OPCML: variants seen among roughly 807,000 people sequenced by gnomAD.
The protein encoded by OPCML is opioid-binding protein/cell adhesion molecule.
A neutral mutation model predicts 37.8 loss-of-function variants in OPCML; 13 were observed. The ratio of observed to expected loss-of-function variants is 0.34; its 90% CI spans 0.22 to 0.55. OPCML has a LOEUF of 0.55. Ranked by LOEUF, OPCML falls within the 20% of genes least tolerant of loss-of-function variation. OPCML has a pLI of 0.91. For synonymous variants in OPCML, 176 were observed against 168.8 expected (o/e 1.04, Z -0.33); for missense variants, 341 against 435.6 (o/e 0.78, Z 1.93).
At chr11:132,983,947 T>C (rs761279471) in intron 1 of OPCML, among the ~76,000 whole-genome samples, 3 of 152,222 alleles carry the variant, frequency 2.0e-5, no homozygotes, top group Non-Finnish European at 4.4e-5. Context: ...TTTGTCAGGT[T>C]CTAATCCATT....
At chr11:133,118,146 TA>T in intron 1 of OPCML, 1 of 826,032 alleles carries the variant, frequency 1.2e-6, no homozygotes, top group Non-Finnish European at 1.5e-6. Context: ...CTGCAGGAAC[TA>T]CTTTTGAATA....
intron 1 of OPCML, among the ~76,000 whole-genome samples, chr11:133,528,334 G>GT (rs1948530156): frequency 6.6e-6 from 1 of 152,348 alleles, no homozygotes; most frequent in East Asian, 1.9e-4. Context: ...ACATGATGGC[G>GT]TGAATCCATG....
intron 1 of OPCML, among the ~76,000 whole-genome samples, chr11:133,219,679 T>C (rs1362373143): frequency 1.3e-5 from 2 of 152,150 alleles, no homozygotes; most frequent in African/African-American, 4.8e-5. Flanking sequence ...GGACTTCACT[T>C]TGGGGACCCT....
intron 1 of OPCML, among the ~76,000 whole-genome samples, chr11:133,011,679 C>T (rs1364547261): frequency 2.6e-5 from 4 of 151,670 alleles, no homozygotes; most frequent in African/African-American, 9.7e-5. Flanking sequence ...CTTTACAGTC[C>T]CTTCAACATC....
intron 1 of OPCML, among the ~76,000 whole-genome samples, chr11:132,981,937 CG>C (rs1170151173): frequency 3.9e-5 from 6 of 152,160 alleles, no homozygotes; most frequent in Non-Finnish European, 7.3e-5. Flanking sequence ...ACAGGTTTAA[CG>C]TATTTGTGTC....
intron 1 of OPCML, among the ~76,000 whole-genome samples, chr11:133,222,953 G>T (rs1939899605): frequency 6.6e-6 from 1 of 152,128 alleles, no homozygotes; most frequent in Non-Finnish European, 1.5e-5. Flanking sequence ...CCAGCCTTGT[G>T]TACTTGGGAC....
chr11:132,465,480 C>T (rs1223708299), intron 4 of OPCML, among the ~76,000 whole-genome samples: 1 of 151,996 alleles, frequency 6.6e-6, no homozygotes, highest in African/African-American at 2.4e-5. Context: ...TTATTATCCA[C>T]TTGTATTTTT....
intron 1 of OPCML, among the ~76,000 whole-genome samples, chr11:133,317,442 A>G (rs1161733821): frequency 6.6e-6 from 1 of 152,208 alleles, no homozygotes; most frequent in Non-Finnish European, 1.5e-5. Flanking sequence ...CTTATTTTGA[A>G]ACACTGGTTT....
At chr11:133,053,316 C>T (rs544171872) in intron 1 of OPCML, among the ~76,000 whole-genome samples, 8 of 152,326 alleles carry the variant, frequency 5.3e-5, no homozygotes, top group East Asian at 1.9e-4. Flanking sequence ...ATGATGATCA[C>T]GGTCATTATC....
Position 132,516,459 on chromosome 11 carries a change from ATG to A in OPCML, c.505+12600_505+12601del, listed in dbSNP as rs913215245. 9.2e-5 allele frequency among the ~76,000 whole-genome samples: 14 copies of A among 152,198 alleles called. No individual in the cohort carries two copies. The East Asian group carries it at 1.2e-3, about 13-fold the overall frequency. ...TACAGGATCGATATACGATGGATACATGTGTGTGTACCCATTCAATAGTCACT... is the reference window on the plus strand; with the variant it reads ...TACAGGATCGATATACGATGGATACATGTGTGTACCCATTCAATAGTCACT... On this transcript the variant is annotated intron_variant, in intron 4 of 7. Coordinates refer to ENST00000524381, the MANE Select transcript of OPCML (RefSeq NM_001012393.5).
chr11:132,524,195 C>T (rs1018542456), intron 4 of OPCML, among the ~76,000 whole-genome samples: 1 of 152,208 alleles, frequency 6.6e-6, no homozygotes, highest in Non-Finnish European at 1.5e-5. Flanking sequence ...GAAGAGCCTG[C>T]CAGTTTATGC....
chr11:133,454,110 CAGA>C (rs1946629997), intron 1 of OPCML, among the ~76,000 whole-genome samples: 1 of 152,146 alleles, frequency 6.6e-6, no homozygotes, highest in Non-Finnish European at 1.5e-5. Context: ...GAATTCATAT[CAGA>C]AGGACCAAAT....
intron 2 of OPCML, among the ~76,000 whole-genome samples, chr11:132,806,364 T>C (rs920542823): frequency 3.3e-5 from 5 of 152,114 alleles, no homozygotes; most frequent in Non-Finnish European, 7.4e-5. Context: ...GCTGTCTACA[T>C]AAGACACACT....
chr11:133,421,112 C>CAAA, intron 1 of OPCML: 1 of 985,288 alleles, frequency 1.0e-6, no homozygotes, highest in Non-Finnish European at 1.2e-6. Context: ...GCAGTGTTAC[C>CAAA]AAATGTTCTC....
At chr11:132,767,812 A>G (rs901259813) in intron 2 of OPCML, among the ~76,000 whole-genome samples, 8 of 124,114 alleles carry the variant, frequency 6.4e-5, no homozygotes, top group South Asian at 2.3e-4. Flanking sequence ...AATAGCTTGG[A>G]AAAAAAAAAC....
At chr11:133,435,483 T>C (rs1004282725) in intron 1 of OPCML, among the ~76,000 whole-genome samples, 9 of 152,212 alleles carry the variant, frequency 5.9e-5, no homozygotes, top group African/African-American at 2.2e-4. Flanking sequence ...TACTCAGGTA[T>C]TGTCAGAGGA....
chr11:132,657,013 A>T, intron 3 of OPCML, 74 bp downstream of exon 3: 1 of 1,567,318 alleles, frequency 6.4e-7, no homozygotes. Flanking sequence ...GCACACAGGT[A>T]GAACAAACAC....
chr11:132,443,741 G>T (rs2096044614), intron 4 of OPCML, among the ~76,000 whole-genome samples: 1 of 152,250 alleles, frequency 6.6e-6, no homozygotes, highest in East Asian at 1.9e-4. Context: ...AGATAAGGCT[G>T]TCTGAAACCA....
At chr11:133,226,703 T>C (rs1486738287) in intron 1 of OPCML, among the ~76,000 whole-genome samples, 2 of 152,184 alleles carry the variant, frequency 1.3e-5, no homozygotes, top group African/African-American at 2.4e-5. Flanking sequence ...ATGGGACCAA[T>C]TCAATTTTTC....
Sources: gnomAD v4.1 joint callset for allele counts (sites outside exome capture counted in the v4.1 genomes callset) on GRCh38, gnomAD v4.1.1 for gene constraint, MANE v1.5 for transcripts, NCBI Gene and HGNC (gene_info 2026-07-23, HGNC 2026-07-21) for gene names.